TBC1D32: variants seen among roughly 807,000 people sequenced by gnomAD.
TBC1D32 encodes TBC1 domain family member 32, also known as protein broad-minded.
Under a neutral mutation model 170.3 loss-of-function variants are expected in TBC1D32, and 151 were observed. That is an observed-to-expected ratio of 0.89 (90% confidence interval 0.78 to 1.01). The LOEUF is 1.01. TBC1D32 is among the 50% of genes least tolerant of loss of function. The probability of loss-of-function intolerance (pLI) is 0.00; values close to 1 mark genes in which losing one functional copy is unlikely to be tolerated. For missense variants in TBC1D32, 1,464 were observed against 1,457.1 expected, an observed-to-expected ratio of 1.00 and a Z score of -0.08; for synonymous variants, 498 against 488.0, an observed-to-expected ratio of 1.02 and a Z score of -0.27.
In TBC1D32 at chr6:121,118,224, A is replaced by G. The variant is rs188934916; in HGVS notation, c.2984-2983T>C. Among the ~76,000 whole-genome samples the G allele has an allele frequency of 3.3e-5, 5 of 152,302 alleles. No homozygotes were observed. In the East Asian group the frequency reaches 9.7e-4, roughly 29 times the overall value. On this transcript the variant is annotated intron_variant, in intron 26 of 31. Transcript: ENST00000398212. Reference sequence around the variant, plus strand: ...ACTTAAAAATATTTTCTGTATATTAAAATCAAGTAACACATAGAAGAGATA... The same window carrying G: ...ACTTAAAAATATTTTCTGTATATTAGAATCAAGTAACACATAGAAGAGATA...
intron 22 of TBC1D32, among the ~76,000 whole-genome samples, chr6:121,198,247 T>TATATATATATA (rs1791068604): frequency 7.7e-6 from 1 of 129,536 alleles, no homozygotes; most frequent in Non-Finnish European, 1.6e-5. Context: ...ATATATATAT[T>TATATATATATA]ATATATATAT....
intron 15 of TBC1D32, among the ~76,000 whole-genome samples, chr6:121,256,633 A>G (rs1799056776): frequency 6.6e-6 from 1 of 152,028 alleles, no homozygotes; most frequent in South Asian, 2.1e-4. Flanking sequence ...TCCCCATCCC[A>G]TTAACAGGAC....
chr6:121,284,266 A>G (rs1162018759), intron 12 of TBC1D32, among the ~76,000 whole-genome samples: 1 of 152,040 alleles, frequency 6.6e-6, no homozygotes, highest in Non-Finnish European at 1.5e-5. Context: ...GGTCCAGCTA[A>G]CTTATCTACA....
chr6:121,209,846 C>T lies in TBC1D32; in HGVS notation c.2482-4683G>A, dbSNP rs372096190. Reference sequence around the variant, plus strand: ...AGAGACAGATGTAGACCTGACAGCACTTGCAGTCCTGTTTCCAGTTGTCCG... The same window carrying T: ...AGAGACAGATGTAGACCTGACAGCATTTGCAGTCCTGTTTCCAGTTGTCCG... On this transcript the variant is annotated intron_variant, in intron 21 of 31. Transcript: ENST00000398212. Among the ~76,000 whole-genome samples, 131 of 152,294 alleles carry T rather than the reference C, an allele frequency of 8.6e-4. 1 individual carries two copies. In the South Asian group the frequency reaches 0.024, roughly 28 times the overall value.
chr6:121,114,904 T>C (rs1028994127), intron 27 of TBC1D32, among the ~76,000 whole-genome samples: 8 of 152,184 alleles, frequency 5.3e-5, no homozygotes, highest in Non-Finnish European at 8.8e-5. Context: ...TTTTACAATG[T>C]TATTTTTGTA....
intron 14 of TBC1D32, 23 bp downstream of exon 14, chr6:121,281,521 T>C: frequency 6.3e-7 from 1 of 1,589,762 alleles, no homozygotes; most frequent in South Asian, 1.2e-5. Flanking sequence ...AGACTCTTTT[T>C]CTCCTTAGTA....
chr6:121,288,561 T>A (rs1251510941), intron 12 of TBC1D32, among the ~76,000 whole-genome samples: 1 of 152,198 alleles, frequency 6.6e-6, no homozygotes, highest in Admixed American at 6.5e-5. Flanking sequence ...CACAGCCGAA[T>A]TCTACCAGAG....
chr6:121,085,308 T>C (rs1207731415), intron 31 of TBC1D32, among the ~76,000 whole-genome samples: 1 of 145,460 alleles, frequency 6.9e-6, no homozygotes, highest in South Asian at 2.1e-4. Context: ...TACATATATA[T>C]ACATATATAC....
At chr6:121,210,295 T>G (rs935797055) in intron 21 of TBC1D32, among the ~76,000 whole-genome samples, 1 of 152,240 alleles carries the variant, frequency 6.6e-6, no homozygotes. Flanking sequence ...GAAAAGGATG[T>G]TCTGTTCAGA....
chr6:121,081,985 T>A (rs933273997), intron 31 of TBC1D32, among the ~76,000 whole-genome samples: 6 of 152,204 alleles, frequency 3.9e-5, no homozygotes, highest in Admixed American at 2.6e-4. Context: ...TGAAATGGTG[T>A]TGTTATATAC....
At chr6:121,301,386 A>T (rs1378392299) in intron 9 of TBC1D32, among the ~76,000 whole-genome samples, 1 of 152,186 alleles carries the variant, frequency 6.6e-6, no homozygotes, top group East Asian at 1.9e-4. Context: ...TGTCCTTTGC[A>T]GGGACACGGA....
intron 22 of TBC1D32, among the ~76,000 whole-genome samples, chr6:121,190,142 G>A (rs9401375): frequency 0.78 from 86,713 of 111,620 alleles, 34,740 homozygotes; most frequent in Non-Finnish European, 0.88. Context: ...GACCCTCTCC[G>A]TCCCCCACCA....
At chr6:121,195,669 C>G (rs1407382588) in intron 22 of TBC1D32, among the ~76,000 whole-genome samples, 1 of 152,150 alleles carries the variant, frequency 6.6e-6, no homozygotes, top group Non-Finnish European at 1.5e-5. Context: ...CTTCTCTCCC[C>G]CAGCTTGCAC....
intron 14 of TBC1D32, among the ~76,000 whole-genome samples, 177 bp from the exon 15 acceptor site, chr6:121,279,422 A>T (rs1177294402): frequency 1.3e-5 from 2 of 152,042 alleles, no homozygotes; most frequent in Non-Finnish European, 2.9e-5. Context: ...TTATTAGATT[A>T]TATTCTTTTA....
intron 22 of TBC1D32, among the ~76,000 whole-genome samples, chr6:121,193,346 T>C (rs1007546223): frequency 5.3e-5 from 8 of 152,148 alleles, no homozygotes; most frequent in African/African-American, 1.9e-4. Flanking sequence ...TCCAACATCT[T>C]AGGGAGACTG....
At chr6:121,262,911 A>C (rs1409937598) in intron 15 of TBC1D32, among the ~76,000 whole-genome samples, 1 of 152,196 alleles carries the variant, frequency 6.6e-6, no homozygotes, top group African/African-American at 2.4e-5. Context: ...CTGCCTTGCA[A>C]GAGTTCCTGA....
In TBC1D32 at chr6:121,160,002, T is replaced by C. The variant is rs1182541500; in HGVS notation, c.2773+8A>G. The C allele has an allele frequency of 6.5e-6, 10 of 1,547,652 alleles. No individual in the cohort carries two copies. Among genetic ancestry groups the C allele is most frequent in the African/African-American group, 1.4e-5 (1 of 73,388 alleles). On this transcript the variant is annotated splice_region_variant and intron_variant, in intron 24 of 31. Transcript: ENST00000398212. ...AAATAATATGGCATTTGATGGTAAATATTTTACCTTGTTTTATACCAGCAT... is the reference window on the plus strand; with the variant it reads ...AAATAATATGGCATTTGATGGTAAACATTTTACCTTGTTTTATACCAGCAT...
intron 22 of TBC1D32, among the ~76,000 whole-genome samples, chr6:121,195,764 A>G (rs1790649262): frequency 6.6e-6 from 1 of 152,172 alleles, no homozygotes; most frequent in African/African-American, 2.4e-5. Flanking sequence ...TCTGCACGAT[A>G]TGCAGGCACC....
chr6:121,091,864 G>A (rs1776838827), intron 30 of TBC1D32, among the ~76,000 whole-genome samples: 3 of 152,140 alleles, frequency 2.0e-5, no homozygotes, highest in Non-Finnish European at 2.9e-5. Context: ...ATTACGGTGA[G>A]CCCTAATCCA....
Sources: gnomAD v4.1 joint callset for allele counts (sites outside exome capture counted in the v4.1 genomes callset) on GRCh38, gnomAD v4.1.1 for gene constraint, MANE v1.5 for transcripts, NCBI Gene and HGNC (gene_info 2026-07-23, HGNC 2026-07-21) for gene names.